Variants in LRMDA observed in about 807,000 individuals in gnomAD.
The protein encoded by LRMDA is leucine-rich melanocyte differentiation-associated protein.
A neutral mutation model predicts 29.8 loss-of-function variants in LRMDA; 18 were observed. That is an observed-to-expected ratio of 0.60 (90% CI 0.42 to 0.90). The LOEUF is 0.90. LRMDA is among the 40% of genes least tolerant of loss of function. The pLI is 0.00. For missense variants in LRMDA, 273 were observed against 273.9 expected, an observed-to-expected ratio of 1.00 and a Z score of 0.02; for synonymous variants, 125 against 109.4, an observed-to-expected ratio of 1.14 and a Z score of -0.89.
chr10:76,343,964 C>G (rs529632089), intron 6 of LRMDA, among the ~76,000 whole-genome samples: 71 of 151,962 alleles, frequency 4.7e-4, no homozygotes, highest in Non-Finnish European at 7.9e-4. Flanking sequence ...ATTACAGACC[C>G]GTGCCACCAC....
intron 2 of LRMDA, among the ~76,000 whole-genome samples, chr10:76,012,744 G>A (rs1387079044): frequency 6.6e-6 from 1 of 152,104 alleles, no homozygotes. Flanking sequence ...GTCCTTCCTT[G>A]GGCACCAGAA....
At chr10:76,487,911 T>C (rs188103886) in intron 6 of LRMDA, among the ~76,000 whole-genome samples, 31 of 152,034 alleles carry the variant, frequency 2.0e-4, no homozygotes, top group African/African-American at 7.2e-4. Context: ...TAGCCATCAG[T>C]TTCCTTATTT....
At chr10:75,782,629 A>C in intron 2 of LRMDA, 1 of 719,324 alleles carries the variant, frequency 1.4e-6, no homozygotes, top group Non-Finnish European at 1.8e-6. Context: ...TGGGTTGGGA[A>C]TGGCATGTTC....
intron 2 of LRMDA, among the ~76,000 whole-genome samples, chr10:75,492,139 C>T (rs538757942): frequency 2.0e-5 from 3 of 152,334 alleles, no homozygotes; most frequent in East Asian, 3.9e-4. Context: ...GGAGAGCCTA[C>T]GAGTAATTTC....
chr10:76,166,967 G>A (rs1850751961), intron 5 of LRMDA, among the ~76,000 whole-genome samples: 1 of 151,802 alleles, frequency 6.6e-6, no homozygotes, highest in Non-Finnish European at 1.5e-5. Flanking sequence ...CTTATTTTTT[G>A]TTTGTTCGTT....
chr10:75,544,520 T>G (rs755856383), intron 2 of LRMDA, among the ~76,000 whole-genome samples: 1 of 152,210 alleles, frequency 6.6e-6, no homozygotes, highest in Non-Finnish European at 1.5e-5. Flanking sequence ...TTTTCTTGTC[T>G]TCCTATTCAC....
chr10:76,042,112 G>A (rs2132035802), intron 3 of LRMDA, among the ~76,000 whole-genome samples: 1 of 152,308 alleles, frequency 6.6e-6, no homozygotes, highest in South Asian at 2.1e-4. Flanking sequence ...TGACCCAGGA[G>A]ACAAAGAAAC....
chr10:76,387,895 C>G (rs142410879), intron 6 of LRMDA, among the ~76,000 whole-genome samples: 292 of 152,296 alleles, frequency 1.9e-3, no homozygotes, highest in Non-Finnish European at 2.8e-3. Context: ...AGCAGTGGTT[C>G]TCATTGCACA....
intron 2 of LRMDA, among the ~76,000 whole-genome samples, chr10:75,877,518 AC>A (rs1845218393): frequency 6.6e-6 from 1 of 152,328 alleles, no homozygotes; most frequent in East Asian, 1.9e-4. Flanking sequence ...GTAGCTCCAC[AC>A]CTAATGCAGT....
At chr10:76,156,051 C>T (rs951831866) in intron 5 of LRMDA, among the ~76,000 whole-genome samples, 3 of 152,170 alleles carry the variant, frequency 2.0e-5, no homozygotes, top group Admixed American at 6.6e-5. Context: ...AAAAAAATCA[C>T]TTTCTCCATC....
intron 5 of LRMDA, among the ~76,000 whole-genome samples, chr10:76,143,948 A>T (rs1383719136): frequency 6.6e-6 from 1 of 152,184 alleles, no homozygotes; most frequent in African/African-American, 2.4e-5. Flanking sequence ...TTAAATAGGG[A>T]ATCCTTTCCC....
intron 2 of LRMDA, among the ~76,000 whole-genome samples, chr10:75,526,179 C>G (rs568908095): frequency 1.3e-5 from 2 of 152,126 alleles, no homozygotes; most frequent in East Asian, 3.9e-4. Context: ...GATCCTCCTG[C>G]CTCAGCCTCC....
intron 2 of LRMDA, among the ~76,000 whole-genome samples, chr10:75,559,190 C>A (rs868390386): frequency 6.6e-6 from 1 of 152,152 alleles, no homozygotes; most frequent in African/African-American, 2.4e-5. Context: ...CTTTACAGCA[C>A]CTGTTGTTTC....
At chr10:76,505,674 T>C (rs1220530039) in intron 6 of LRMDA, among the ~76,000 whole-genome samples, 1 of 152,108 alleles carries the variant, frequency 6.6e-6, no homozygotes, top group Non-Finnish European at 1.5e-5. Context: ...TTTTACTGGA[T>C]TCCGTGAATT....
intron 2 of LRMDA, among the ~76,000 whole-genome samples, chr10:75,610,862 C>G (rs1841021053): frequency 6.6e-6 from 1 of 152,208 alleles, no homozygotes; most frequent in South Asian, 2.1e-4. Context: ...CCAACGTAGG[C>G]TAAATTTTAC....
chr10:76,262,400 T>C (rs373332020), intron 5 of LRMDA, among the ~76,000 whole-genome samples: 1 of 152,218 alleles, frequency 6.6e-6, no homozygotes, highest in African/African-American at 2.4e-5. Flanking sequence ...TGAATGATTC[T>C]CCGTGAAAAG....
intron 6 of LRMDA, among the ~76,000 whole-genome samples, chr10:76,549,368 C>T (rs1843466943): frequency 6.6e-6 from 1 of 152,180 alleles, no homozygotes; most frequent in African/African-American, 2.4e-5. Context: ...TGAGACTTGA[C>T]AAGGCCCAGC....
chr10:75,686,200 A>T (rs978663568), intron 2 of LRMDA, among the ~76,000 whole-genome samples: 3 of 152,154 alleles, frequency 2.0e-5, no homozygotes, highest in African/African-American at 7.2e-5. Flanking sequence ...AGGTGATGTG[A>T]TTGTACCAGC....
chr10:76,228,121 A>G (rs750762767), intron 5 of LRMDA, among the ~76,000 whole-genome samples: 8 of 151,886 alleles, frequency 5.3e-5, no homozygotes, highest in Non-Finnish European at 1.2e-4. Flanking sequence ...TCCCGGGTTC[A>G]AGTGATTCTC....
Sources: gnomAD v4.1 joint callset for allele counts (sites outside exome capture counted in the v4.1 genomes callset) on GRCh38, gnomAD v4.1.1 for gene constraint, MANE v1.5 for transcripts, NCBI Gene and HGNC (gene_info 2026-07-23, HGNC 2026-07-21) for gene names.